SARNP: variants seen among roughly 807,000 people sequenced by gnomAD.
SARNP encodes the protein SAP domain containing ribonucleoprotein.
Under a neutral mutation model 38.1 loss-of-function variants are expected in SARNP, and 5 were observed. The ratio of observed to expected loss-of-function variants is 0.13; its 90% CI spans 0.07 to 0.28. SARNP has a LOEUF of 0.28. Ranked by LOEUF, SARNP falls within the 10% of genes least tolerant of loss-of-function variation. The pLI is 1.00. For synonymous variants in SARNP, 84 were observed against 80.6 expected, an observed-to-expected ratio of 1.04 and a Z score of -0.23; for missense variants, 180 against 243.9, an observed-to-expected ratio of 0.74 and a Z score of 1.75.
intron 9 of SARNP, among the ~76,000 whole-genome samples, chr12:55,788,359 A>C (rs1184528467): frequency 6.6e-6 from 1 of 152,110 alleles, no homozygotes; most frequent in East Asian, 1.9e-4. Context: ...CAATCCTCCA[A>C]GTTTTATTTC....
rs190184906 is a variant in SARNP at position 55,796,481 on chromosome 12, C to G, written c.252-405G>C. Among the ~76,000 whole-genome samples, 174 of 152,334 alleles carry G rather than the reference C, an allele frequency of 1.1e-3. 7 individuals carry two copies. Among genetic ancestry groups the G allele is most frequent in the Admixed American group, 7.4e-3 (114 of 15,304 alleles). ...GCAATGGCACGATCTCAGCTCACTG[C>G]AACCTCCACCTCCTGGGTTCAAGAG... On this transcript the variant is annotated intron_variant, in intron 4 of 10. Transcript: ENST00000336133.
At chr12:55,767,848 GA>G (rs767928003) in intron 9 of SARNP, among the ~76,000 whole-genome samples, 8,592 of 35,484 alleles carry the variant, frequency 0.24, 640 homozygotes, top group African/African-American at 0.48. Context: ...CTCCCTCTCA[GA>G]AAAAAAAAAA....
chr12:55,803,794 T>A, intron 1 of SARNP, 66 bp from the exon 2 acceptor site: 1 of 1,046,120 alleles, frequency 9.6e-7, no homozygotes, highest in Admixed American at 2.0e-5. Flanking sequence ...AAAATGGTAG[T>A]TCCCACAAGG....
chr12:55,797,094 G>C (rs1255555291), intron 4 of SARNP, among the ~76,000 whole-genome samples: 1 of 152,194 alleles, frequency 6.6e-6, no homozygotes, highest in African/African-American at 2.4e-5. Context: ...GTCTCATTAA[G>C]GTCCCTCATT....
intron 9 of SARNP, among the ~76,000 whole-genome samples, chr12:55,776,533 C>T (rs761029550): frequency 4.6e-5 from 7 of 152,192 alleles, no homozygotes; most frequent in African/African-American, 7.2e-5. Context: ...AGCTGTTATA[C>T]AATACTGCTT....
At chr12:55,810,979 A>C (rs1357380678) in intron 1 of SARNP, among the ~76,000 whole-genome samples, 1 of 151,930 alleles carries the variant, frequency 6.6e-6, no homozygotes, top group Non-Finnish European at 1.5e-5. Context: ...CGGGAGGCTG[A>C]GGCAGGAGAA....
At chr12:55,815,367 C>A (rs987640172) in intron 1 of SARNP, among the ~76,000 whole-genome samples, 5 of 152,052 alleles carry the variant, frequency 3.3e-5, no homozygotes, top group African/African-American at 1.2e-4. Context: ...GGCAATAAAA[C>A]CCCAAGTCAA....
chr12:55,808,251 G>A (rs1002512602), intron 1 of SARNP, among the ~76,000 whole-genome samples: 12 of 152,028 alleles, frequency 7.9e-5, no homozygotes, highest in African/African-American at 2.4e-4. Flanking sequence ...GGAAGGCTGA[G>A]GCAGGAGGAC....
intron 1 of SARNP, 79 bp downstream of exon 1, chr12:55,817,587 C>A: frequency 7.3e-7 from 1 of 1,363,846 alleles, no homozygotes; most frequent in Non-Finnish European, 1.0e-6. Flanking sequence ...ACGGAGAAGA[C>A]GTAGGAGAAG....
rs111825972 is a variant in SARNP, at chr12:55,802,860, C to T, written c.136+769G>A. On this transcript the variant is annotated intron_variant, in intron 2 of 10. Coordinates refer to ENST00000336133, the MANE Select transcript of SARNP (RefSeq NM_033082.4). ...ATGTGTGGTTATCCATCATTGAATG[C>T]TATGCAGGAATTAGAATCAACAGAC... 2.1e-4 allele frequency among the ~76,000 whole-genome samples: 32 copies of T among 150,580 alleles called. 1 individual carries two copies. Among genetic ancestry groups the T allele is most frequent in the African/African-American group, 5.6e-4 (23 of 40,996 alleles).
intron 9 of SARNP, among the ~76,000 whole-genome samples, chr12:55,780,004 C>T (rs981523991): frequency 8.6e-5 from 13 of 152,030 alleles, no homozygotes; most frequent in East Asian, 3.9e-4. Context: ...AAAAATTGAC[C>T]GGGCGTGTTG....
chr12:55,790,594 TA>T lies in SARNP; in HGVS notation c.407-3del. 6.5e-7 allele frequency: 1 copy of T among 1,527,730 alleles called. No individual in the cohort carries two copies. The allele number at this position is 1,527,730 out of a possible 1,614,324, so 94.6% of individuals were successfully genotyped here. On this transcript the variant is annotated splice_polypyrimidine_tract_variant and splice_region_variant and intron_variant, in intron 7 of 10. Coordinates refer to ENST00000336133, the MANE Select transcript of SARNP (RefSeq NM_033082.4). ...TAGGTTTGTTATCAGATGACAGACC[TA>T]AGGAAGTAAATAAAGTTTTATTTAA...
chr12:55,812,819 G>C (rs141643718), intron 1 of SARNP, among the ~76,000 whole-genome samples: 1 of 152,314 alleles, frequency 6.6e-6, no homozygotes, highest in Admixed American at 6.5e-5. Flanking sequence ...TCGTTATTGA[G>C]CACCTACTGT....
chr12:55,800,590 C>G lies in SARNP; in HGVS notation c.223G>C (p.Glu75Gln). ...TKPIELPVKE[E>Q]EPPEKTVDVA... ...TCAACAGTTTTTTCAGGGGGTTCTT[C>G]CTCTTTGACAGGGAGCTCAATGGGC... The change falls in exon 4 of 11, where the codon GAA (glutamate) becomes CAA (glutamine). Residue 75 changes from glutamate (E) to glutamine (Q), a missense_variant. By Grantham distance (29) the Glu-to-Gln change is conservative. Transcript: ENST00000336133. The G allele has an allele frequency of 6.2e-7, 1 of 1,612,428 alleles. No homozygotes were observed. Among genetic ancestry groups the G allele is most frequent in the Non-Finnish European group, 8.5e-7 (1 of 1,179,180 alleles).
chr12:55,814,371 A>G lies in SARNP; in HGVS notation c.36+3295T>C, dbSNP rs192894545. 3.9e-3 allele frequency among the ~76,000 whole-genome samples: 588 copies of G among 152,248 alleles called. 5 individuals carry two copies. The highest frequency in any genetic ancestry group is 0.014 in the African/African-American group (566 of 41,542). ...TCTGATTTACCTTTATAGTTTACCTATTTTCCTTTCCAAACTATCTTCAAC... is the reference window on the plus strand; with the variant it reads ...TCTGATTTACCTTTATAGTTTACCTGTTTTCCTTTCCAAACTATCTTCAAC... On this transcript the variant is annotated intron_variant, in intron 1 of 10. Transcript: ENST00000336133.
intron 1 of SARNP, among the ~76,000 whole-genome samples, chr12:55,804,652 T>A (rs13378024): frequency 1.3e-5 from 2 of 152,202 alleles, no homozygotes; most frequent in African/African-American, 4.8e-5. Flanking sequence ...AACTGAAATA[T>A]AGACTCCATA....
intron 9 of SARNP, among the ~76,000 whole-genome samples, chr12:55,774,096 C>T (rs974784109): frequency 6.6e-6 from 1 of 152,094 alleles, no homozygotes. Context: ...CCTGGACCTC[C>T]TTGGCTCAAG....
At chr12:55,763,308 C>T (rs1379324184) in intron 9 of SARNP, among the ~76,000 whole-genome samples, 1 of 146,070 alleles carries the variant, frequency 6.8e-6, no homozygotes, top group Non-Finnish European at 1.5e-5. Flanking sequence ...TCATTTACTA[C>T]TTTTTTTTTT....
Position 55,813,892 on chromosome 12 carries a change from T to A in SARNP, c.36+3774A>T, listed in dbSNP as rs373214229. Among the ~76,000 whole-genome samples the A allele has an allele frequency of 2.3e-4, 35 of 152,294 alleles. No individual in the cohort carries two copies. In the East Asian group the frequency reaches 3.1e-3, roughly 13 times the overall value. ...TTTAGCTGTGCAACCTAAGGCAAGT[T>A]ACTCAGTTACTCTCTCTGAGCTATG... is the stretch of plus-strand genomic sequence containing the variant. On this transcript the variant is annotated intron_variant, in intron 1 of 10. Coordinates refer to ENST00000336133, the MANE Select transcript of SARNP (RefSeq NM_033082.4).
Sources: allele counts gnomAD v4.1 joint callset (sites outside exome capture counted in the v4.1 genomes callset), GRCh38; gene constraint gnomAD v4.1.1; transcripts MANE v1.5; gene names NCBI Gene and HGNC (gene_info 2026-07-23, HGNC 2026-07-21).